The following INPP4B variants were observed in gnomAD, a reference collection of about 807,000 sequenced individuals.
INPP4B encodes the protein inositol polyphosphate 4-phosphatase type II.
INPP4B carries 55 observed loss-of-function variants against 122.5 expected under a neutral mutation model. The observed-to-expected ratio is 0.45, with a 90% CI of 0.36 to 0.56. INPP4B has a LOEUF of 0.56. Among genes scored for constraint, INPP4B ranks in the 20% least tolerant of loss-of-function variants. The probability of loss-of-function intolerance (pLI) is 0.00; values close to 1 mark genes in which losing one functional copy is unlikely to be tolerated. For missense variants in INPP4B, 1,000 were observed against 1,097.7 expected (o/e 0.91, Z 1.26); for synonymous variants, 403 against 388.7 (o/e 1.04, Z -0.43).
Position 142,254,475 on chromosome 4 carries a change from A to T in INPP4B, c.688+6017T>A, listed in dbSNP as rs563729747. ...CTTTGAAAAAAATTTAGAAGAATGT[A>T]TAACTAGAATAACCAATACAGAGAA... On this transcript the variant is annotated intron_variant, in intron 11 of 25. Coordinates refer to ENST00000262992, the MANE Select transcript of INPP4B (RefSeq NM_001101669.3). Among the ~76,000 whole-genome samples the T allele has an allele frequency of 9.4e-3, 1,426 of 152,130 alleles. 29 individuals are homozygous for T. Among genetic ancestry groups the T allele is most frequent in the African/African-American group, 0.033 (1,366 of 41,498 alleles).
chr4:142,700,835 A>C (rs2150756220), intron 2 of INPP4B, among the ~76,000 whole-genome samples: 1 of 152,316 alleles, frequency 6.6e-6, no homozygotes, highest in Admixed American at 6.5e-5. Flanking sequence ...TATAAAAACT[A>C]TCTGGGCCAA....
At chr4:142,332,797 G>A (rs1018761308) in intron 7 of INPP4B, among the ~76,000 whole-genome samples, 6 of 150,232 alleles carry the variant, frequency 4.0e-5, no homozygotes, top group South Asian at 2.1e-4. Flanking sequence ...GAGGTCAGGA[G>A]ATCGAGACCA....
In INPP4B at chr4:142,026,090, CTCAGT is replaced by C. The variant is rs1471191160; in HGVS notation, c.*2687_*2691del. The C allele has an allele frequency of 6.6e-6, 1 of 152,094 alleles. No individual in the cohort carries two copies. The highest frequency in any genetic ancestry group is 2.4e-5 in the African/African-American group (1 of 41,410). 9.4% of individuals were successfully genotyped at this position (152,094 alleles called of 1,614,324 possible). A position where few individuals can be genotyped will look rare whatever the true frequency, so the allele number is the denominator to read the frequency against. On this transcript the variant is annotated 3_prime_UTR_variant, in exon 26 of 26. Transcript: ENST00000262992. The stretch of plus-strand genomic sequence containing the variant: ...AAAAAGAGTTTGGAAATGTCATTTG[CTCAGT>C]TCATTTTTTGGCTCAATATGACCTC...
At chr4:142,044,473 TGA>T (rs1750180321) in intron 25 of INPP4B, among the ~76,000 whole-genome samples, 1 of 152,108 alleles carries the variant, frequency 6.6e-6, no homozygotes, top group South Asian at 2.1e-4. Context: ...CCAGATTCCA[TGA>T]TTTTGTGATT....
chr4:142,325,890 C>T (rs1286762462), intron 7 of INPP4B, among the ~76,000 whole-genome samples: 1 of 152,100 alleles, frequency 6.6e-6, no homozygotes, highest in Admixed American at 6.6e-5. Flanking sequence ...CATTTTATTC[C>T]ACTTCCCTTT....
At chr4:142,401,469 T>C (rs1801560949) in intron 7 of INPP4B, among the ~76,000 whole-genome samples, 1 of 152,230 alleles carries the variant, frequency 6.6e-6, no homozygotes, top group South Asian at 2.1e-4. Context: ...AAAGAAGTAA[T>C]AAACAGCAAA....
intron 7 of INPP4B, among the ~76,000 whole-genome samples, chr4:142,371,209 C>CAATG (rs1217853535): frequency 6.7e-6 from 1 of 149,336 alleles, no homozygotes; most frequent in Non-Finnish European, 1.5e-5. Flanking sequence ...GCTGGGAGAC[C>CAATG]CAGATATCCA....
intron 7 of INPP4B, among the ~76,000 whole-genome samples, chr4:142,339,777 T>A (rs1482831125): frequency 6.6e-6 from 1 of 152,082 alleles, no homozygotes; most frequent in Non-Finnish European, 1.5e-5. Flanking sequence ...TTTTTCTCTC[T>A]CCCTAAGAAA....
rs1736971712 is a variant in INPP4B, at chr4:142,026,286, C to T, written c.*2496G>A. On this transcript the variant is annotated 3_prime_UTR_variant, in exon 26 of 26. Transcript: ENST00000262992. ...GTGGTTGTTTAAGAATGAACTGCCT[C>T]TCAGGAAAAAAGCAATATTGTTGTC... 6.6e-6 allele frequency: 1 copy of T among 152,080 alleles called. No homozygotes were observed. Among genetic ancestry groups the T allele is most frequent in the Non-Finnish European group, 1.5e-5 (1 of 68,018 alleles). The allele number at this position is 152,080 out of a possible 1,614,324, so 9.4% of individuals were successfully genotyped here. A position where few individuals can be genotyped will look rare whatever the true frequency, so the allele number is the denominator to read the frequency against.
intron 25 of INPP4B, among the ~76,000 whole-genome samples, chr4:142,078,033 C>T (rs1771770320): frequency 6.6e-6 from 1 of 151,682 alleles, no homozygotes; most frequent in African/African-American, 2.4e-5. Flanking sequence ...ATGATACAGG[C>T]AACCACTAAG....
intron 25 of INPP4B, among the ~76,000 whole-genome samples, chr4:142,057,135 T>TTGGGAGCAC (rs1441893539): frequency 2.0e-5 from 3 of 151,580 alleles, no homozygotes; most frequent in Non-Finnish European, 4.4e-5. Flanking sequence ...AGTAATTACA[T>TTGGGAGCAC]TGGGAGAAGA....
intron 2 of INPP4B, among the ~76,000 whole-genome samples, chr4:142,716,227 T>A (rs1216518788): frequency 1.3e-5 from 2 of 152,334 alleles, no homozygotes; most frequent in Admixed American, 1.3e-4. Context: ...TGTGGCCATT[T>A]TTGCAAACTA....
At chr4:142,789,971 A>C (rs530860619) in intron 1 of INPP4B, among the ~76,000 whole-genome samples, 1 of 152,170 alleles carries the variant, frequency 6.6e-6, no homozygotes, top group East Asian at 1.9e-4. Flanking sequence ...GCAATAACAT[A>C]AAGTGGGGAA....
At chr4:142,488,752 G>A (rs975166101) in intron 2 of INPP4B, among the ~76,000 whole-genome samples, 1 of 151,894 alleles carries the variant, frequency 6.6e-6, no homozygotes, top group Non-Finnish European at 1.5e-5. Context: ...CCCAGTATTG[G>A]TATTGTGTAC....
intron 2 of INPP4B, among the ~76,000 whole-genome samples, chr4:142,579,871 A>G (rs199659783): frequency 1.1e-3 from 103 of 94,338 alleles, no homozygotes; most frequent in South Asian, 3.8e-3. Flanking sequence ...AGATAGATAG[A>G]TAGGTAGGTA....
chr4:142,469,646 G>C (rs1818445832), intron 2 of INPP4B, among the ~76,000 whole-genome samples: 1 of 152,116 alleles, frequency 6.6e-6, no homozygotes, highest in Admixed American at 6.5e-5. Flanking sequence ...GTGATTTACA[G>C]ATTAGTGGGA....
At chr4:142,692,650 AG>A (rs1760357916) in intron 2 of INPP4B, among the ~76,000 whole-genome samples, 1 of 152,364 alleles carries the variant, frequency 6.6e-6, no homozygotes, top group African/African-American at 2.4e-5. Context: ...CAAGGTCAAA[AG>A]TGCCTGCTTT....
chr4:142,750,863 C>T (rs896201141), intron 1 of INPP4B, among the ~76,000 whole-genome samples: 19 of 152,046 alleles, frequency 1.2e-4, no homozygotes, highest in Non-Finnish European at 2.8e-4. Flanking sequence ...ATGACCAATA[C>T]TATTGTTTTT....
At chr4:142,576,894 C>G (rs1028613018) in intron 2 of INPP4B, among the ~76,000 whole-genome samples, 3 of 151,940 alleles carry the variant, frequency 2.0e-5, no homozygotes, top group African/African-American at 7.2e-5. Flanking sequence ...ACTTAAAAAG[C>G]TATAAAGAAA....
Sources: allele counts gnomAD v4.1 joint callset (sites outside exome capture counted in the v4.1 genomes callset), GRCh38; gene constraint gnomAD v4.1.1; transcripts MANE v1.5; gene names NCBI Gene and HGNC (gene_info 2026-07-23, HGNC 2026-07-21).